Variants in KDM6A observed in about 807,000 individuals in gnomAD.
KDM6A encodes the protein lysine demethylase 6A.
Under a neutral mutation model 117.6 loss-of-function variants are expected in KDM6A, and 11 were observed. The observed-to-expected ratio is 0.09, with a 90% CI of 0.06 to 0.15. The LOEUF (loss-of-function observed/expected upper bound fraction) is 0.15. Ranked by LOEUF, KDM6A falls within the 10% of genes least tolerant of loss-of-function variation. The pLI is 1.00. For synonymous variants in KDM6A, 384 were observed against 396.1 expected, an observed-to-expected ratio of 0.97 and a Z score of 0.36; for missense variants, 799 against 1,077.3, an observed-to-expected ratio of 0.74 and a Z score of 3.62.
At chrX:44,952,124 T>C (rs1427434893) in intron 2 of KDM6A, among the ~76,000 whole-genome samples, 1 of 111,954 alleles carries the variant, frequency 8.9e-6, no homozygotes. Flanking sequence ...AGAATGGTTC[T>C]TAAAGTGCCA....
At chrX:45,014,393 C>T (rs2041883167) in intron 5 of KDM6A, among the ~76,000 whole-genome samples, 1 of 111,791 alleles carries the variant, frequency 8.9e-6, no homozygotes, top group Non-Finnish European at 1.9e-5. Context: ...CTGTTCCATC[C>T]TCATTGGACT....
Position 45,074,189 on chromosome X carries a change from G to A in KDM6A, c.2859-2508G>A, listed in dbSNP as rs368111391. On this transcript the variant is annotated intron_variant, in intron 18 of 29. Transcript: ENST00000611820. ...TGTCAAAGATCAGATGATTGTAGAT[G>A]TGTGGTGTTATTTCTGAGGCCTCTG... Among the ~76,000 whole-genome samples the A allele has an allele frequency of 2.9e-3, 321 of 111,584 alleles. 5 individuals are homozygous for A. The South Asian group carries it at 0.063, about 22-fold the overall frequency.
At chrX:44,976,601 GTAT>G (rs1486816986) in intron 4 of KDM6A, among the ~76,000 whole-genome samples, 3 of 111,622 alleles carry the variant, frequency 2.7e-5, no homozygotes, top group Non-Finnish European at 3.8e-5. Flanking sequence ...TTTTTAGTTT[GTAT>G]TATTTTTTAT....
intron 2 of KDM6A, among the ~76,000 whole-genome samples, chrX:44,956,900 C>A (rs1434061286): frequency 9.1e-6 from 1 of 110,255 alleles, no homozygotes; most frequent in Non-Finnish European, 1.9e-5. Flanking sequence ...GAGGCTGAGG[C>A]GGGCGGATCA....
intron 4 of KDM6A, among the ~76,000 whole-genome samples, chrX:44,984,074 T>G (rs1237082837): frequency 1.8e-5 from 2 of 110,698 alleles, no homozygotes; most frequent in Non-Finnish European, 3.8e-5. Flanking sequence ...CAGCACCTGT[T>G]GTTTCCTGAC....
chrX:44,947,163 A>AC (rs1175496544), intron 2 of KDM6A, among the ~76,000 whole-genome samples: 1 of 110,251 alleles, frequency 9.1e-6, no homozygotes, highest in Non-Finnish European at 1.9e-5. Flanking sequence ...GCTCTGCCCT[A>AC]CCCCCCATCT....
chrX:44,954,667 G>A (rs769735870), intron 2 of KDM6A, among the ~76,000 whole-genome samples: 24 of 111,194 alleles, frequency 2.2e-4, no homozygotes, highest in African/African-American at 6.9e-4. Context: ...GGGGAACAGG[G>A]AAAGAAAAAA....
rs747821170 is a variant in KDM6A at position 44,963,440 on chromosome X, A to AGTGTGTGTGTGTGT, written c.334+2081_334+2094dup. ...CACTGCACTCCAGCCAGGGTGACAG[A>AGTGTGTGTGTGTGT]GTGTGTGTGTGTGTGTGTGTGTGTG... On this transcript the variant is annotated intron_variant, in intron 3 of 29. Transcript: ENST00000611820. 2.0e-3 allele frequency among the ~76,000 whole-genome samples: 141 copies of AGTGTGTGTGTGTGT among 69,860 alleles called. 3 individuals are homozygous for AGTGTGTGTGTGTGT. The highest frequency in any genetic ancestry group is 2.2e-3 in the Non-Finnish European group (85 of 38,123). The allele number at this position is 69,860 out of a possible 115,157, so 60.7% of individuals were successfully genotyped here.
intron 21 of KDM6A, 109 bp downstream of exon 21, chrX:45,079,460 T>C (rs946511478): frequency 3.6e-6 from 2 of 559,875 alleles, no homozygotes; most frequent in Non-Finnish European, 5.9e-6. Flanking sequence ...TTATGTTACA[T>C]AAAATACTTT....
chrX:44,956,152 C>T (rs2038311002), intron 2 of KDM6A, among the ~76,000 whole-genome samples: 1 of 111,375 alleles, frequency 9.0e-6, no homozygotes, highest in African/African-American at 3.3e-5. Flanking sequence ...TGATTTTCCT[C>T]AGTTAAACTT....
At chrX:44,919,427 G>A (rs780878792) in intron 2 of KDM6A, among the ~76,000 whole-genome samples, 2 of 110,379 alleles carry the variant, frequency 1.8e-5, no homozygotes, top group African/African-American at 6.6e-5. Context: ...CTGGGGTTGC[G>A]AGTTTTTTGG....
At chrX:44,989,598 T>C (rs2040462940) in intron 4 of KDM6A, among the ~76,000 whole-genome samples, 1 of 112,207 alleles carries the variant, frequency 8.9e-6, no homozygotes, top group Non-Finnish European at 1.9e-5. Flanking sequence ...AATTAGTTTT[T>C]GGTAAGTAAT....
At chrX:45,030,056 C>T (rs961469622) in intron 6 of KDM6A, among the ~76,000 whole-genome samples, 1 of 110,824 alleles carries the variant, frequency 9.0e-6, no homozygotes, top group African/African-American at 3.3e-5. Context: ...TTCCCATTTA[C>T]GGGCTCAGAC....
chrX:44,923,299 G>A (rs1308682118), intron 2 of KDM6A, among the ~76,000 whole-genome samples: 2 of 110,002 alleles, frequency 1.8e-5, no homozygotes, highest in South Asian at 3.8e-4. Context: ...CACCAAATTC[G>A]GAAAATTTTT....
chrX:45,089,254 G>A (rs2045786862), intron 25 of KDM6A, among the ~76,000 whole-genome samples: 2 of 111,711 alleles, frequency 1.8e-5, no homozygotes, highest in African/African-American at 6.5e-5. Context: ...ACTTACTACA[G>A]GTATTATAAT....
chrX:45,106,960 G>A (rs1174745237), intron 27 of KDM6A: 3 of 185,431 alleles, frequency 1.6e-5, no homozygotes. Context: ...TGCTGTTAAT[G>A]AGTGTTTAGG....
At chrX:45,000,848 A>G (rs764697268) in intron 4 of KDM6A, among the ~76,000 whole-genome samples, 9 of 112,754 alleles carry the variant, frequency 8.0e-5, no homozygotes, top group African/African-American at 2.9e-4. Context: ...AAGAGCTACC[A>G]TGCAGCCCAC....
chrX:44,915,530 C>G (rs773029019), intron 2 of KDM6A, among the ~76,000 whole-genome samples: 1 of 112,135 alleles, frequency 8.9e-6, no homozygotes, highest in Non-Finnish European at 1.9e-5. Flanking sequence ...AGTGTACGCT[C>G]TTATCCACGG....
chrX:44,969,964 AT>A lies in KDM6A; in HGVS notation c.335-4695del, dbSNP rs773426266. On this transcript the variant is annotated intron_variant, in intron 3 of 29. Coordinates refer to ENST00000611820, the MANE Select transcript of KDM6A (RefSeq NM_001291415.2). ...AAATTCTAGTTACAGTAGACTAGGA[AT>A]TTTTTTATGGATAACTACCTTAAAG... Among the ~76,000 whole-genome samples the A allele has an allele frequency of 9.8e-5, 11 of 112,234 alleles. No homozygotes were observed. The South Asian group carries it at 4.0e-3, about 41-fold the overall frequency.
Sources: gnomAD v4.1 joint callset for allele counts (sites outside exome capture counted in the v4.1 genomes callset) on GRCh38, gnomAD v4.1.1 for gene constraint, MANE v1.5 for transcripts, NCBI Gene and HGNC (gene_info 2026-07-23, HGNC 2026-07-21) for gene names.